Variants in MDN1 observed in about 807,000 individuals in gnomAD.
MDN1 encodes midasin AAA ATPase 1.
A neutral mutation model predicts 669.2 loss-of-function variants in MDN1; 266 were observed. That is an observed-to-expected ratio of 0.40 (90% CI 0.36 to 0.44). MDN1 has a LOEUF of 0.44. MDN1 is among the 20% of genes least tolerant of loss of function. The probability of loss-of-function intolerance (pLI) is 1.00; values close to 1 mark genes in which losing one functional copy is unlikely to be tolerated. For synonymous variants in MDN1, 2,385 were observed against 2,457.1 expected, an observed-to-expected ratio of 0.97 and a Z score of 0.87; for missense variants, 5,940 against 6,754.0, an observed-to-expected ratio of 0.88 and a Z score of 4.22.
intron 40 of MDN1, among the ~76,000 whole-genome samples, chr6:89,719,542 T>G (rs1452628112): frequency 6.6e-6 from 1 of 152,208 alleles, no homozygotes; most frequent in Non-Finnish European, 1.5e-5. Context: ...AAGAGTTGTT[T>G]GCTTTCATCA....
chr6:89,762,577 C>T (rs1817610506), intron 15 of MDN1, 47 bp from the exon 16 acceptor site: 1 of 1,430,192 alleles, frequency 7.0e-7, no homozygotes, highest in African/African-American at 1.4e-5. Flanking sequence ...CTGAAGTTAA[C>T]AGAAGTTAGA....
Position 89,819,690 on chromosome 6 carries a change from C to T in MDN1, c.-83G>A. 3 of 1,168,386 alleles carry T rather than the reference C, an allele frequency of 2.6e-6. No homozygotes were observed. The highest frequency in any genetic ancestry group is 2.5e-5 in the South Asian group (2 of 80,792). 72.4% of individuals were successfully genotyped at this position (1,168,386 alleles called of 1,614,324 possible). The stretch of plus-strand genomic sequence containing the variant: ...CCCAAGCCGCCGAGGTCCCAGTGCC[C>T]GAGCAGCCAGCAACTACGCCCGCAG... On this transcript the variant is annotated 5_prime_UTR_variant, in exon 1 of 102. Transcript: ENST00000369393.
intron 33 of MDN1, among the ~76,000 whole-genome samples, chr6:89,736,983 A>G (rs1445954300): frequency 1.3e-5 from 2 of 152,184 alleles, no homozygotes; most frequent in Admixed American, 6.5e-5. Flanking sequence ...CCTGCTGAAT[A>G]AGAAACACTG....
intron 27 of MDN1, among the ~76,000 whole-genome samples, chr6:89,745,857 A>T (rs4706349): frequency 0.84 from 127,881 of 152,200 alleles, 53,919 homozygotes; most frequent in East Asian, 1. Context: ...GAAAGACATA[A>T]GCAGGAATGT....
rs774694726 is a variant in MDN1, at chr6:89,712,205, G to A, written c.7482C>T (p.Ser2494=). 9.3e-6 allele frequency: 15 copies of A among 1,614,142 alleles called. No individual in the cohort carries two copies. Among genetic ancestry groups the A allele is most frequent in the South Asian group, 2.2e-5 (2 of 91,084 alleles). ...CTGCATTGAATTTCAGGTTCTCAGG[G>A]CTGGGGGACTGCATAATTTTCTCTA... ...QDLEKIMQSP[S]PENLKFNAVE... is the part of the protein sequence containing the mutation. The change falls in exon 49 of 102, where the codon AGC becomes AGT. Residue 2494 remains serine (S), a synonymous_variant. Coordinates refer to ENST00000369393, the MANE Select transcript of MDN1 (RefSeq NM_014611.3).
Position 89,683,902 on chromosome 6 carries a change from T to C in MDN1, c.11832A>G (p.Glu3944=). 6.2e-7 allele frequency: 1 copy of C among 1,609,972 alleles called. No homozygotes were observed. The highest frequency in any genetic ancestry group is 8.5e-7 in the Non-Finnish European group (1 of 1,176,676). ...LRSPLEKELK[E]FVKISKWNDV... is the part of the protein sequence containing the mutation. ...CATTCCACTTGGAAATCTTAACAAATTCCTGTAAGATAAATGATGTTCAAG... is the reference window on the plus strand; with the variant it reads ...CATTCCACTTGGAAATCTTAACAAACTCCTGTAAGATAAATGATGTTCAAG... Residue 3944 remains glutamate, a splice_region_variant and synonymous_variant, in exon 72 of 102, where the codon GAA becomes GAG. Transcript: ENST00000369393.
intron 1 of MDN1, among the ~76,000 whole-genome samples, chr6:89,811,476 C>T (rs563701708): frequency 3.3e-5 from 5 of 151,746 alleles, no homozygotes; most frequent in Admixed American, 2.0e-4. Flanking sequence ...CTCACTCTGT[C>T]GCCAGGCTGG....
In MDN1 at chr6:89,702,000, T is replaced by C. The variant is rs775466812; in HGVS notation, c.8210A>G (p.Asp2737Gly). 4.3e-6 allele frequency: 7 copies of C among 1,613,796 alleles called. No homozygotes were observed. The South Asian group carries it at 7.7e-5, about 18-fold the overall frequency. The change falls in exon 54 of 102, where the codon GAT becomes GGT. Residue 2737 changes from aspartate to glycine, a missense_variant. Transcript: ENST00000369393. ...GGCAAGAAGGGCCAGACCTGGGGCA[T>C]CTACTTTTACTGTGTCGGCCACAGT... ...FWTVADTVKV[D>G]APGLALLALH...
Position 89,722,803 on chromosome 6 carries a change from G to A in MDN1, c.5967+152C>T, listed in dbSNP as rs1013913309. 5 of 633,508 alleles carry A rather than the reference G, an allele frequency of 7.9e-6. No individual in the cohort carries two copies. The African/African-American group carries it at 9.6e-5, about 12-fold the overall frequency. The allele number at this position is 633,508 out of a possible 1,614,324, so 39.2% of individuals were successfully genotyped here. On this transcript the variant is annotated intron_variant, in intron 40 of 101. Coordinates refer to ENST00000369393, the MANE Select transcript of MDN1 (RefSeq NM_014611.3). ...TGAAGCTGCAGCAAGCCAAGATTAT[G>A]CCATTGCACTCCAGCCTGGGCAACA...
At chr6:89,753,459 T>C (rs1817065413) in intron 22 of MDN1, 53 bp downstream of exon 22, 1 of 1,349,852 alleles carries the variant, frequency 7.4e-7, no homozygotes, top group Non-Finnish European at 1.0e-6. Context: ...AGCTGAAAAT[T>C]TGGTAATTCA....
chr6:89,723,980 T>TA (rs1269392606), intron 38 of MDN1, among the ~76,000 whole-genome samples: 1 of 151,954 alleles, frequency 6.6e-6, no homozygotes. Context: ...CTGTCTTCAC[T>TA]AAAAATACAA....
chr6:89,661,680 G>T, intron 87 of MDN1, 102 bp from the exon 88 acceptor site: 1 of 1,111,350 alleles, frequency 9.0e-7, no homozygotes, highest in Non-Finnish European at 1.3e-6. Context: ...CACTGTGAGA[G>T]AACACAATAT....
intron 100 of MDN1, 130 bp from the exon 101 acceptor site, chr6:89,645,287 C>A: frequency 1.0e-6 from 1 of 961,740 alleles, no homozygotes; most frequent in South Asian, 2.5e-5. Context: ...ACCTCTAAAG[C>A]TGATGAATTC....
At chr6:89,732,524 C>T in intron 34 of MDN1, 33 bp downstream of exon 34, 1 of 1,595,956 alleles carries the variant, frequency 6.3e-7, no homozygotes, top group African/African-American at 1.3e-5. Flanking sequence ...TCTATACGAG[C>T]CCCTTGTCCC....
chr6:89,738,017 C>A (rs957280376), intron 33 of MDN1, among the ~76,000 whole-genome samples: 8 of 152,058 alleles, frequency 5.3e-5, no homozygotes, highest in Non-Finnish European at 7.4e-5. Flanking sequence ...AACCACCACA[C>A]CTAGCCAAAA....
At chr6:89,803,895 C>CTTTTTTTT (rs56246331) in intron 1 of MDN1, among the ~76,000 whole-genome samples, 8 of 76,412 alleles carry the variant, frequency 1.0e-4, no homozygotes, top group Admixed American at 2.1e-4. Context: ...CTTTTCTTTT[C>CTTTTTTTT]TTTTTTTTTT....
At chr6:89,675,084 C>T (rs1045345125) in intron 78 of MDN1, among the ~76,000 whole-genome samples, 4 of 152,218 alleles carry the variant, frequency 2.6e-5, no homozygotes, top group Non-Finnish European at 4.4e-5. Context: ...CAAATCTCAT[C>T]GGTGCCCAAG....
At chr6:89,779,029 C>A (rs957448434) in intron 11 of MDN1, among the ~76,000 whole-genome samples, 7 of 151,402 alleles carry the variant, frequency 4.6e-5, no homozygotes, top group African/African-American at 7.3e-5. Context: ...TCTATGCACA[C>A]CTTCTTTATT....
At chr6:89,774,494 C>T in intron 13 of MDN1, 127 bp downstream of exon 13, 1 of 637,906 alleles carries the variant, frequency 1.6e-6, no homozygotes, top group Non-Finnish European at 2.8e-6. Flanking sequence ...TGCTCCTTCC[C>T]ATATAGCATA....
Sources: gnomAD v4.1 joint callset for allele counts (sites outside exome capture counted in the v4.1 genomes callset) on GRCh38, gnomAD v4.1.1 for gene constraint, MANE v1.5 for transcripts, NCBI Gene and HGNC (gene_info 2026-07-23, HGNC 2026-07-21) for gene names.